The following OSGIN1 variants were observed in gnomAD, a reference collection of about 807,000 sequenced individuals.
The protein encoded by OSGIN1 is oxidative stress-induced growth inhibitor 1.
OSGIN1 carries 19 observed loss-of-function variants against 20.1 expected under a neutral mutation model. The ratio of observed to expected loss-of-function variants is 0.95; its 90% CI spans 0.66 to 1.39. OSGIN1 has a LOEUF of 1.39. Among genes scored for constraint, OSGIN1 ranks in the 40% most tolerant of loss-of-function variants. The probability of loss-of-function intolerance (pLI) is 0.00; values close to 1 mark genes in which losing one functional copy is unlikely to be tolerated. For synonymous variants in OSGIN1, 368 were observed against 297.8 expected (o/e 1.24, Z -2.43); for missense variants, 820 against 653.0 (o/e 1.26, Z -2.79).
At chr16:83,961,175 A>C in intron 5 of OSGIN1, 103 bp downstream of exon 5, 1 of 940,020 alleles carries the variant, frequency 1.1e-6, no homozygotes. Context: ...TATTTTTCCA[A>C]GGTTGAGGAC....
At chr16:83,963,029 G>A (rs1022779860) in intron 5 of OSGIN1, among the ~76,000 whole-genome samples, 8 of 152,136 alleles carry the variant, frequency 5.3e-5, no homozygotes, top group African/African-American at 1.9e-4. Flanking sequence ...CTGCCCCAGC[G>A]CAGATACCTG....
chr16:83,957,108 A>T (rs939295096), intron 1 of OSGIN1: 1 of 153,048 alleles, frequency 6.5e-6, no homozygotes, highest in Non-Finnish European at 1.5e-5. Flanking sequence ...TGTGTCCCTC[A>T]ACCACCCTAG....
chr16:83,964,999 T>TGCCA, intron 5 of OSGIN1, 63 bp from the exon 6 acceptor site: 1 of 645,914 alleles, frequency 1.5e-6, no homozygotes, highest in Non-Finnish European at 2.7e-6. Flanking sequence ...ACATCTCCCG[T>TGCCA]CCCACCCAGC....
chr16:83,959,762 A>T (rs542517550), intron 3 of OSGIN1, among the ~76,000 whole-genome samples: 29 of 152,290 alleles, frequency 1.9e-4, no homozygotes, highest in Admixed American at 1.7e-3. Context: ...GCACAGGACA[A>T]CGAGGGTGGT....
chr16:83,965,295 A>T lies in OSGIN1; in HGVS notation c.722A>T (p.Asn241Ile), dbSNP rs371530657. ...AQQPFSLWAR[N>I]VVLATGTFDS... The stretch of plus-strand genomic sequence containing the variant: ...CAGCCCTTCTCGCTGTGGGCCCGCA[A>T]CGTGGTCCTCGCCACAGGCACGTTC... Residue 241 changes from asparagine (N) to isoleucine (I), a missense_variant, in exon 6 of 6, where the codon AAC becomes ATC. Coordinates refer to ENST00000393306, the MANE Select transcript of OSGIN1 (RefSeq NM_182981.3). 3.1e-6 allele frequency: 5 copies of T among 1,600,280 alleles called. No individual in the cohort carries two copies. Among genetic ancestry groups the T allele is most frequent in the Middle Eastern group, 1.7e-4 (1 of 6,000 alleles).
intron 5 of OSGIN1, 60 bp downstream of exon 5, chr16:83,961,132 A>G (rs2084206696): frequency 1.6e-6 from 2 of 1,288,460 alleles, no homozygotes; most frequent in Admixed American, 1.7e-5. Context: ...AACCCAGAAA[A>G]TCTGAGACAG....
chr16:83,953,438 G>T lies in OSGIN1; in HGVS notation c.-33+68G>T, dbSNP rs1239418774. On this transcript the variant is annotated intron_variant, in intron 1 of 5. Transcript: ENST00000393306. ...ATCCCAGGCACCCGTGGCAAGCCCA[G>T]CTGGACCGGAGGGTCTGCAGAGCCC... 1.6e-5 allele frequency: 20 copies of T among 1,265,592 alleles called. No individual in the cohort carries two copies. In the South Asian group the frequency reaches 2.5e-4, roughly 16 times the overall value. 78.4% of individuals were successfully genotyped at this position (1,265,592 alleles called of 1,614,324 possible). A position where few individuals can be genotyped will look rare whatever the true frequency, so the allele number is the denominator to read the frequency against.
rs188750935 is a variant in OSGIN1 at position 83,953,316 on chromosome 16, C to T, written c.-87C>T. ...CTCTGTGATCCGTGTTCCCCTGACC[C>T]TCCTAGTGCACAACTTGGCCGGGCT... is the stretch of plus-strand genomic sequence containing the variant. On this transcript the variant is annotated 5_prime_UTR_variant, in exon 1 of 6. Coordinates refer to ENST00000393306, the MANE Select transcript of OSGIN1 (RefSeq NM_182981.3). 7.8e-7 allele frequency: 1 copy of T among 1,289,022 alleles called. No homozygotes were observed. The allele number at this position is 1,289,022 out of a possible 1,614,324, so 79.8% of individuals were successfully genotyped here. A position where few individuals can be genotyped will look rare whatever the true frequency, so the allele number is the denominator to read the frequency against.
intron 1 of OSGIN1, among the ~76,000 whole-genome samples, chr16:83,956,201 C>T (rs1908919096): frequency 6.6e-6 from 1 of 152,212 alleles, no homozygotes; most frequent in African/African-American, 2.4e-5. Context: ...ATCTGTGTGG[C>T]AGTTTCTCAT....
intron 5 of OSGIN1, among the ~76,000 whole-genome samples, chr16:83,962,520 C>T (rs1026777415): frequency 2.6e-5 from 4 of 152,196 alleles, no homozygotes; most frequent in African/African-American, 7.2e-5. Flanking sequence ...GGATTACAGG[C>T]GTGAGCCACC....
intron 5 of OSGIN1, among the ~76,000 whole-genome samples, chr16:83,963,548 T>A (rs1053356057): frequency 6.6e-6 from 1 of 152,096 alleles, no homozygotes; most frequent in South Asian, 2.1e-4. Flanking sequence ...TTATTATAAA[T>A]AACTCTGCAC....
At chr16:83,961,373 A>G in intron 5 of OSGIN1, 1 of 394,112 alleles carries the variant, frequency 2.5e-6, no homozygotes. Flanking sequence ...TCCAGGTCGC[A>G]GGTAGGTGAG....
At chr16:83,959,130 C>T (rs1909078559) in intron 2 of OSGIN1, 130 bp from the exon 3 acceptor site, 1 of 700,596 alleles carries the variant, frequency 1.4e-6, no homozygotes, top group Admixed American at 2.4e-5. Flanking sequence ...AGGCTAAGGG[C>T]TTAATAAATA....
At chr16:83,959,182 A>G (rs914630401) in intron 2 of OSGIN1, 78 bp from the exon 3 acceptor site, 41 of 994,442 alleles carry the variant, frequency 4.1e-5, no homozygotes, top group Non-Finnish European at 5.9e-5. Context: ...AATGCGCCGC[A>G]TCTAGATCAA....
rs1318444566 is a variant in OSGIN1, at chr16:83,961,082, C to A, written c.488+10C>A. On this transcript the variant is annotated intron_variant, in intron 5 of 5. Coordinates refer to ENST00000393306, the MANE Select transcript of OSGIN1 (RefSeq NM_182981.3). Reference sequence around the variant, plus strand: ...TGCAGAAGAAGCGAAGGTGAGGCCGCCCCGGAACGCCTTGGGGGACACGGA... The same window carrying A: ...TGCAGAAGAAGCGAAGGTGAGGCCGACCCGGAACGCCTTGGGGGACACGGA... 6.2e-7 allele frequency: 1 copy of A among 1,607,348 alleles called. No individual in the cohort carries two copies. Among genetic ancestry groups the A allele is most frequent in the East Asian group, 2.2e-5 (1 of 44,834 alleles).
At chr16:83,959,065 C>T (rs2665297) in intron 2 of OSGIN1, among the ~76,000 whole-genome samples, 195 bp from the exon 3 acceptor site, 4 of 152,206 alleles carry the variant, frequency 2.6e-5, no homozygotes, top group Non-Finnish European at 5.9e-5. Flanking sequence ...AGTAAGCTCT[C>T]AGCAGTTGTT....
rs773935242 is a variant in OSGIN1 at position 83,953,477 on chromosome 16, G to C, written c.-33+107G>C. ...TCTGCAGAGCCCTGGCGCCAGGCGGGGGTCCCGGGTGGTCCTGAGTGGAGG... is the reference window on the plus strand; with the variant it reads ...TCTGCAGAGCCCTGGCGCCAGGCGGCGGTCCCGGGTGGTCCTGAGTGGAGG... On this transcript the variant is annotated intron_variant, in intron 1 of 5. Coordinates refer to ENST00000393306, the MANE Select transcript of OSGIN1 (RefSeq NM_182981.3). 9.7e-4 allele frequency: 1,031 copies of C among 1,067,958 alleles called. 1 individual carries two copies. Among genetic ancestry groups the C allele is most frequent in the Non-Finnish European group, 1.2e-3 (951 of 808,184 alleles). 66.2% of individuals were successfully genotyped at this position (1,067,958 alleles called of 1,614,324 possible).
intron 5 of OSGIN1, among the ~76,000 whole-genome samples, chr16:83,962,681 T>C (rs781174902): frequency 6.6e-6 from 1 of 152,238 alleles, no homozygotes; most frequent in African/African-American, 2.4e-5. Context: ...AATCACTATA[T>C]GTAAGATGGA....
At position 83,965,266 on chromosome 16, in the gene OSGIN1, C is replaced by T. The variant is rs954801041; in HGVS notation, c.693C>T (p.Ala231=). The T allele has an allele frequency of 6.2e-7, 1 of 1,608,906 alleles. No individual in the cohort carries two copies. The highest frequency in any genetic ancestry group is 1.1e-5 in the South Asian group (1 of 90,872). The change falls in exon 6 of 6, where the codon GCC becomes GCT. Residue 231 remains alanine, a synonymous_variant. Transcript: ENST00000393306. ...GCGGCTTCCTGACCAGGAACCAGGC[C>T]CAGCAGCCCTTCTCGCTGTGGGCCC... ...QVSGFLTRNQ[A]QQPFSLWARN...
Sources: allele counts gnomAD v4.1 joint callset (sites outside exome capture counted in the v4.1 genomes callset), GRCh38; gene constraint gnomAD v4.1.1; transcripts MANE v1.5; gene names NCBI Gene and HGNC (gene_info 2026-07-23, HGNC 2026-07-21).